Variants in CEP63 observed in about 807,000 individuals in gnomAD.
CEP63 encodes centrosomal protein of 63 kDa.
Under a neutral mutation model 89.1 loss-of-function variants are expected in CEP63, and 84 were observed. That is an observed-to-expected ratio of 0.94 (90% CI 0.79 to 1.13). The LOEUF (loss-of-function observed/expected upper bound fraction) is 1.13, where lower values mean the gene tolerates loss of function less well. Among genes scored for constraint, CEP63 ranks in the 50% most tolerant of loss-of-function variants. CEP63 has a pLI of 0.00. For synonymous variants in CEP63, 267 were observed against 272.5 expected (o/e 0.98, Z 0.20); for missense variants, 838 against 813.3 (o/e 1.03, Z -0.37).
intron 3 of CEP63, among the ~76,000 whole-genome samples, chr3:134,531,483 C>T (rs7611828): frequency 0.66 from 100,130 of 151,780 alleles, 33,402 homozygotes; most frequent in East Asian, 0.81. Flanking sequence ...CTTGGGAGAC[C>T]GAGGCAGACA....
chr3:134,659,624 G>T, the CEP63 span, among the ~76,000 whole-genome samples: 5 of 152,192 alleles, frequency 3.3e-5, no homozygotes, highest in East Asian at 9.6e-4. Flanking sequence ...CCAGCCACTC[G>T]CAGGGCTTAG....
At chr3:134,640,150 G>A in the CEP63 span, among the ~76,000 whole-genome samples, 3 of 147,378 alleles carry the variant, frequency 2.0e-5, no homozygotes, top group Middle Eastern at 3.2e-3. Flanking sequence ...CTGAGGAGGA[G>A]AGAAAATGTT....
chr3:134,623,248 TTC>T, the CEP63 span, among the ~76,000 whole-genome samples: 3 of 152,170 alleles, frequency 2.0e-5, no homozygotes, highest in Non-Finnish European at 4.4e-5. Flanking sequence ...CCTGGCACTG[TTC>T]TCTGAGTATG....
the CEP63 span, among the ~76,000 whole-genome samples, chr3:134,768,281 T>A: frequency 6.6e-6 from 1 of 152,178 alleles, no homozygotes; most frequent in African/African-American, 2.4e-5. Flanking sequence ...CTGGAGGGTA[T>A]CTGTAACATG....
At chr3:134,663,464 G>T in the CEP63 span, among the ~76,000 whole-genome samples, 1 of 152,204 alleles carries the variant, frequency 6.6e-6, no homozygotes, top group Non-Finnish European at 1.5e-5. Context: ...CAGAGGCTGG[G>T]GGAGAGTGTC....
the CEP63 span, among the ~76,000 whole-genome samples, chr3:134,709,110 T>A: frequency 6.6e-6 from 1 of 152,266 alleles, no homozygotes; most frequent in Non-Finnish European, 1.5e-5. Context: ...AAGACCTTGA[T>A]AGACCTTTGG....
At chr3:134,503,291 A>G (rs1472874257) in intron 2 of CEP63, among the ~76,000 whole-genome samples, 1 of 151,878 alleles carries the variant, frequency 6.6e-6, no homozygotes, top group African/African-American at 2.4e-5. Flanking sequence ...ATTCAGGAGC[A>G]TGCTGCTTAA....
At chr3:134,606,295 C>T in the CEP63 span, among the ~76,000 whole-genome samples, 1 of 152,186 alleles carries the variant, frequency 6.6e-6, no homozygotes, top group Non-Finnish European at 1.5e-5. Context: ...CCTGGCTACT[C>T]CTGGGCTCAC....
chr3:134,644,153 AG>A, the CEP63 span, among the ~76,000 whole-genome samples: 1 of 145,806 alleles, frequency 6.9e-6, no homozygotes. Context: ...TGAGAAGAAC[AG>A]GGGGCCAGCC....
the CEP63 span, among the ~76,000 whole-genome samples, chr3:134,744,087 G>A: frequency 6.6e-6 from 1 of 152,104 alleles, no homozygotes; most frequent in African/African-American, 2.4e-5. Flanking sequence ...CTTTTATTGG[G>A]TTCAGAATCC....
the CEP63 span, among the ~76,000 whole-genome samples, chr3:134,684,475 C>T: frequency 2.0e-5 from 3 of 152,236 alleles, no homozygotes; most frequent in Non-Finnish European, 1.5e-5. Context: ...TCAAGAGAAC[C>T]TTTCTCATTC....
chr3:134,742,525 C>T, the CEP63 span, among the ~76,000 whole-genome samples: 1 of 152,200 alleles, frequency 6.6e-6, no homozygotes, highest in Admixed American at 6.5e-5. Flanking sequence ...CTCAGATCAA[C>T]CCAGTTCTCC....
chr3:134,555,286 G>C (rs1048965304), intron 12 of CEP63, among the ~76,000 whole-genome samples: 1 of 152,116 alleles, frequency 6.6e-6, no homozygotes, highest in African/African-American at 2.4e-5. Flanking sequence ...AATTAGGCAG[G>C]AGAAGGAAAT....
At chr3:134,595,507 T>C in the CEP63 span, among the ~76,000 whole-genome samples, 1 of 152,216 alleles carries the variant, frequency 6.6e-6, no homozygotes, top group Non-Finnish European at 1.5e-5. Flanking sequence ...GATTGGCAAA[T>C]ACATGGCACA....
At chr3:134,527,711 G>C (rs1173453979) in intron 3 of CEP63, among the ~76,000 whole-genome samples, 1 of 152,144 alleles carries the variant, frequency 6.6e-6, no homozygotes, top group Non-Finnish European at 1.5e-5. Flanking sequence ...TGCTGGTCAG[G>C]CATAGTCTGC....
the CEP63 span, chr3:134,639,986 T>C: frequency 6.6e-6 from 1 of 152,592 alleles, no homozygotes; most frequent in Admixed American, 6.7e-5. Context: ...AAAGAAAGAA[T>C]GTTCTTTGCA....
At chr3:134,748,578 C>T in the CEP63 span, among the ~76,000 whole-genome samples, 63 of 152,282 alleles carry the variant, frequency 4.1e-4, no homozygotes, top group East Asian at 5.6e-3. Context: ...GCTCAGTGAG[C>T]TTGCTATGAG....
At chr3:134,501,955 G>A (rs1488126947) in intron 2 of CEP63, among the ~76,000 whole-genome samples, 1 of 152,160 alleles carries the variant, frequency 6.6e-6, no homozygotes, top group African/African-American at 2.4e-5. Context: ...GTATGATATT[G>A]GCTGTGGGTT....
chr3:134,494,960 A>G (rs1434752036), intron 1 of CEP63, among the ~76,000 whole-genome samples: 1 of 152,156 alleles, frequency 6.6e-6, no homozygotes, highest in African/African-American at 2.4e-5. Flanking sequence ...CATTTTGTTA[A>G]GGGAGTTTGT....
Sources: gnomAD v4.1 joint callset for allele counts (sites outside exome capture counted in the v4.1 genomes callset) on GRCh38, gnomAD v4.1.1 for gene constraint, MANE v1.5 for transcripts, NCBI Gene and HGNC (gene_info 2026-07-23, HGNC 2026-07-21) for gene names.